Variants in HHIPL1 observed in about 807,000 individuals in gnomAD.
HHIPL1 encodes the protein HHIP-like protein 1.
In HHIPL1, 43 loss-of-function variants were observed where a neutral mutation model predicts 61.8. That is an observed-to-expected ratio of 0.70 (90% CI 0.55 to 0.90). HHIPL1 has a LOEUF of 0.90. Among genes scored for constraint, HHIPL1 ranks in the 40% least tolerant of loss-of-function variants. The pLI is 0.00. For missense variants in HHIPL1, 1,056 were observed against 1,157.7 expected (o/e 0.91, Z 1.28); for synonymous variants, 482 against 515.8 (o/e 0.93, Z 0.89).
chr14:99,606,802 C>T, the HHIPL1 span, among the ~76,000 whole-genome samples: 187 of 152,200 alleles, frequency 1.2e-3, 1 homozygote, highest in Non-Finnish European at 2.1e-3. Context: ...TCTCTCTGCT[C>T]CCCACACCAG....
chr14:99,606,489 A>T, the HHIPL1 span, among the ~76,000 whole-genome samples: 1 of 152,242 alleles, frequency 6.6e-6, no homozygotes. Flanking sequence ...CCAGCTCACC[A>T]GGGAAGTTGC....
chr14:99,661,884 C>T (rs1488516274), intron 5 of HHIPL1, among the ~76,000 whole-genome samples: 1 of 152,140 alleles, frequency 6.6e-6, no homozygotes, highest in Non-Finnish European at 1.5e-5. Flanking sequence ...GATTTTGTGT[C>T]CAGCCTGCAG....
At chr14:99,637,047 G>GA in the HHIPL1 span, among the ~76,000 whole-genome samples, 302 of 75,276 alleles carry the variant, frequency 4.0e-3, 8 homozygotes, top group African/African-American at 5.7e-3. Flanking sequence ...AAGAAAGAAA[G>GA]AAGGAAGGAA....
chr14:99,605,398 C>T, the HHIPL1 span, among the ~76,000 whole-genome samples: 5 of 122,726 alleles, frequency 4.1e-5, no homozygotes, highest in African/African-American at 1.4e-4. Flanking sequence ...GGGGGGGGGT[C>T]CCTCCCCCGG....
intron 7 of HHIPL1, among the ~76,000 whole-genome samples, chr14:99,671,230 C>G (rs1355351864): frequency 6.6e-6 from 1 of 152,208 alleles, no homozygotes; most frequent in African/African-American, 2.4e-5. Flanking sequence ...TCATCTGTTA[C>G]TACCCACACG....
At chr14:99,654,240 A>G (rs1274607510) in intron 2 of HHIPL1, among the ~76,000 whole-genome samples, 1 of 151,612 alleles carries the variant, frequency 6.6e-6, no homozygotes, top group Non-Finnish European at 1.5e-5. Flanking sequence ...TGGGGAAGGC[A>G]GCGACTCTGA....
chr14:99,627,982 G>A, the HHIPL1 span, among the ~76,000 whole-genome samples: 5 of 152,176 alleles, frequency 3.3e-5, no homozygotes, highest in South Asian at 2.1e-4. This position sits in a 1 kb window ranked among gnomAD's most constrained non-coding sequence, Gnocchi z 4.4. Context: ...TGGGAGGGGC[G>A]GCTGTTAGGC....
At chr14:99,623,327 T>G in the HHIPL1 span, among the ~76,000 whole-genome samples, 3 of 152,206 alleles carry the variant, frequency 2.0e-5, no homozygotes, top group Non-Finnish European at 4.4e-5. Flanking sequence ...CGGAAATCAC[T>G]CTCCATTAGC....
the HHIPL1 span, among the ~76,000 whole-genome samples, chr14:99,613,674 C>T: frequency 6.6e-6 from 1 of 151,814 alleles, no homozygotes; most frequent in Admixed American, 6.5e-5. Context: ...TTTGGGAGGC[C>T]GAGGTGGGCA....
In HHIPL1 at chr14:99,662,977, A is replaced by G. The variant is rs2056176985; in HGVS notation, c.1604A>G (p.Asn535Ser). Residue 535 changes from asparagine to serine, a missense_variant, in exon 6 of 9, where the codon AAC becomes AGC. Asn to Ser is a conservative substitution (Grantham distance 46). Transcript: ENST00000330710. ...GQTCEFPGLI[N>S]NYYPYIISFG... ...ACCTGTGAGTTCCCAGGCCTCATCA[A>G]CAACTACTACCCGTACATCATCTCC... 2.5e-6 allele frequency: 4 copies of G among 1,613,800 alleles called. No homozygotes were observed. The highest frequency in any genetic ancestry group is 1.3e-5 in the African/African-American group (1 of 74,936).
the HHIPL1 span, among the ~76,000 whole-genome samples, chr14:99,639,226 T>C: frequency 6.6e-6 from 1 of 152,266 alleles, no homozygotes; most frequent in African/African-American, 2.4e-5. Flanking sequence ...CCAGCTTTAT[T>C]TTAATTCAAG....
upstream of HHIPL1, among the ~76,000 whole-genome samples, chr14:99,644,110 C>A (rs1287469551): frequency 6.6e-6 from 1 of 152,198 alleles, no homozygotes; most frequent in Non-Finnish European, 1.5e-5. Flanking sequence ...GAGCCACAGA[C>A]CTCTGAGTGC....
intron 4 of HHIPL1, 141 bp downstream of exon 4, chr14:99,659,897 C>T (rs2140075124): frequency 2.6e-6 from 2 of 767,752 alleles, no homozygotes; most frequent in East Asian, 6.0e-5. Flanking sequence ...CGGCCCCACT[C>T]TATGGGCTGT....
the HHIPL1 span, among the ~76,000 whole-genome samples, chr14:99,637,240 GAA>G: frequency 6.7e-6 from 1 of 149,162 alleles, no homozygotes; most frequent in Non-Finnish European, 1.5e-5. Flanking sequence ...AAGAAAGAAA[GAA>G]AGAAAGAAAG....
Position 99,679,800 on chromosome 14 carries a change from G to C in HHIPL1, c.*4174G>C, listed in dbSNP as rs1045334170. The C allele has an allele frequency of 6.6e-6, 1 of 152,250 alleles. No homozygotes were observed. Among genetic ancestry groups the C allele is most frequent in the Non-Finnish European group, 1.5e-5 (1 of 68,056 alleles). The allele number at this position is 152,250 out of a possible 1,614,324, so 9.4% of individuals were successfully genotyped here. On this transcript the variant is annotated 3_prime_UTR_variant, in exon 9 of 9. Transcript: ENST00000330710. ...ATGCTGGCAGCAGCCAACTGTCTGC[G>C]ACAGAGTGAGGAGGGGCATGCCACG... is the stretch of plus-strand genomic sequence containing the variant.
rs1019402694 is a variant in HHIPL1 at position 99,679,152 on chromosome 14, G to C, written c.*3526G>C. 6.6e-6 allele frequency: 1 copy of C among 152,250 alleles called. No individual in the cohort carries two copies. The highest frequency in any genetic ancestry group is 2.4e-5 in the African/African-American group (1 of 41,470). The allele number at this position is 152,250 out of a possible 1,614,324, so 9.4% of individuals were successfully genotyped here. ...CTGGGACCCTGCTGTGGGCCTTCCT[G>C]CTGGGCCACCTCAAGGGCATTGAAA... On this transcript the variant is annotated 3_prime_UTR_variant, in exon 9 of 9. Coordinates refer to ENST00000330710, the MANE Select transcript of HHIPL1 (RefSeq NM_001127258.3).
the HHIPL1 span, among the ~76,000 whole-genome samples, chr14:99,622,621 T>C: frequency 6.6e-6 from 1 of 152,154 alleles, no homozygotes; most frequent in Non-Finnish European, 1.5e-5. Context: ...TCCCCAGCTA[T>C]GGTAGCAACA....
chr14:99,614,055 C>A, the HHIPL1 span, among the ~76,000 whole-genome samples: 309 of 152,338 alleles, frequency 2.0e-3, 2 homozygotes, highest in African/African-American at 7.2e-3. Flanking sequence ...TCTGGCCTGA[C>A]CCTTACCAGC....
In HHIPL1 at chr14:99,664,380, A is replaced by T. The variant is rs773120566; in HGVS notation, c.1648+1359A>T. On this transcript the variant is annotated intron_variant, in intron 6 of 8. Coordinates refer to ENST00000330710, the MANE Select transcript of HHIPL1 (RefSeq NM_001127258.3). ...CCCTTGAAAGCCCTTTCTTTTGGTC[A>T]GTAGGGGGTTAATGTGTTTTAGAAG... 7.9e-5 allele frequency among the ~76,000 whole-genome samples: 12 copies of T among 152,170 alleles called. 1 individual carries two copies. Among genetic ancestry groups the T allele is most frequent in the Non-Finnish European group, 1.8e-4 (12 of 68,032 alleles).
Sources: allele counts gnomAD v4.1 joint callset (sites outside exome capture counted in the v4.1 genomes callset), GRCh38; gene constraint gnomAD v4.1.1; non-coding constraint Gnocchi (gnomAD v3.1); transcripts MANE v1.5; gene names NCBI Gene and HGNC (gene_info 2026-07-23, HGNC 2026-07-21).